The following NALF1 variants were observed in gnomAD, a reference collection of about 807,000 sequenced individuals.
NALF1 encodes NALCN channel auxiliary factor 1, also known as family with sequence similarity 155 member A.
Under a neutral mutation model 48.4 loss-of-function variants are expected in NALF1, and 3 were observed. The ratio of observed to expected loss-of-function variants is 0.06; its 90% CI spans 0.03 to 0.16. The LOEUF is 0.16. Among genes scored for constraint, NALF1 ranks in the 10% least tolerant of loss-of-function variants. NALF1 has a pLI of 1.00. For synonymous variants in NALF1, 262 were observed against 245.7 expected, an observed-to-expected ratio of 1.07 and a Z score of -0.62; for missense variants, 526 against 571.5, an observed-to-expected ratio of 0.92 and a Z score of 0.81.
rs1365862975 is a variant in NALF1, at chr13:107,828,603, C to CTATA, written c.915+37075_915+37078dup. Among the ~76,000 whole-genome samples the CTATA allele has an allele frequency of 1.7e-4, 6 of 36,046 alleles. No homozygotes were observed. In the East Asian group the frequency reaches 1.8e-3, roughly 11 times the overall value. The allele number at this position is 36,046 out of a possible 152,430, so 23.6% of individuals were successfully genotyped here. A position where few individuals can be genotyped will look rare whatever the true frequency, so the allele number is the denominator to read the frequency against. On this transcript the variant is annotated intron_variant, in intron 1 of 2. Coordinates refer to ENST00000375915, the MANE Select transcript of NALF1 (RefSeq NM_001080396.3). Reference sequence around the variant, plus strand: ...TCTATCTATCTATCTATATCTATATCTATACACACACACACACACACACAC... The same window carrying CTATA: ...TCTATCTATCTATCTATATCTATATCTATATATACACACACACACACACACACAC...
intron 1 of NALF1, among the ~76,000 whole-genome samples, chr13:107,681,534 C>T (rs896349700): frequency 6.6e-6 from 1 of 152,108 alleles, no homozygotes; most frequent in African/African-American, 2.4e-5. Context: ...TTAACCTCTA[C>T]ATTTTAAAAT....
At position 107,348,435 on chromosome 13, in the gene NALF1, T is replaced by A. The variant is rs187016758; in HGVS notation, c.916-137680A>T. Among the ~76,000 whole-genome samples the A allele has an allele frequency of 4.1e-3, 619 of 152,316 alleles. 4 individuals carry two copies. The highest frequency in any genetic ancestry group is 0.023 in the South Asian group (111 of 4,826). ...TATAATGAAAATCTTAATTTTTTTT[T>A]AAAATTTTACTTTAACTTCTGGGAT... On this transcript the variant is annotated intron_variant, in intron 1 of 2. Coordinates refer to ENST00000375915, the MANE Select transcript of NALF1 (RefSeq NM_001080396.3).
chr13:107,218,810 G>GA (rs2090950792), intron 1 of NALF1, among the ~76,000 whole-genome samples: 2 of 97,288 alleles, frequency 2.1e-5, no homozygotes, highest in Admixed American at 2.2e-4. Context: ...GCTCATGGAA[G>GA]GCCACAGAGC....
chr13:107,853,472 A>G (rs150683891), intron 1 of NALF1, among the ~76,000 whole-genome samples: 262 of 152,318 alleles, frequency 1.7e-3, no homozygotes, highest in African/African-American at 5.8e-3. Context: ...GGAAAAACTG[A>G]TAAGCATTGT....
intron 1 of NALF1, among the ~76,000 whole-genome samples, chr13:107,688,044 T>C (rs1013530521): frequency 2.0e-5 from 3 of 152,216 alleles, no homozygotes; most frequent in Non-Finnish European, 4.4e-5. Flanking sequence ...ACTAAAAAAA[T>C]TCTAAACACT....
chr13:107,517,457 C>T (rs1428062229), intron 1 of NALF1, among the ~76,000 whole-genome samples: 2 of 151,648 alleles, frequency 1.3e-5, no homozygotes, highest in African/African-American at 4.8e-5. Flanking sequence ...GGTGAAACCC[C>T]GTCTCTGCAA....
At chr13:107,424,752 T>A (rs966574349) in intron 1 of NALF1, among the ~76,000 whole-genome samples, 1 of 152,222 alleles carries the variant, frequency 6.6e-6, no homozygotes, top group African/African-American at 2.4e-5. Context: ...CTACTACTCA[T>A]ATAAATGTAG....
At chr13:107,236,849 CT>C (rs1209906932) in intron 1 of NALF1, among the ~76,000 whole-genome samples, 1 of 152,132 alleles carries the variant, frequency 6.6e-6, no homozygotes, top group Non-Finnish European at 1.5e-5. Flanking sequence ...AACATGTAGA[CT>C]TTTTTCCTTG....
At chr13:107,670,741 T>C (rs2138485400) in intron 1 of NALF1, among the ~76,000 whole-genome samples, 1 of 152,280 alleles carries the variant, frequency 6.6e-6, no homozygotes, top group South Asian at 2.1e-4. Context: ...ACAGTGCTGC[T>C]CATATTGAGA....
rs531970160 is a variant in NALF1, at chr13:107,792,363, C to G, written c.915+73319G>C. Among the ~76,000 whole-genome samples the G allele has an allele frequency of 3.3e-5, 5 of 152,220 alleles. No homozygotes were observed. In the South Asian group the frequency reaches 1.0e-3, roughly 32 times the overall value. ...AAGTCCATGCCACTTTTCAGGAGAA[C>G]TAAAGACAAAATGTGAAAGTGTCGC... On this transcript the variant is annotated intron_variant, in intron 1 of 2. Coordinates refer to ENST00000375915, the MANE Select transcript of NALF1 (RefSeq NM_001080396.3).
chr13:107,631,105 C>A (rs924352911), intron 1 of NALF1, among the ~76,000 whole-genome samples: 1 of 152,196 alleles, frequency 6.6e-6, no homozygotes, highest in African/African-American at 2.4e-5. Context: ...TCAAGCAATC[C>A]TCCCACCTCA....
intron 1 of NALF1, among the ~76,000 whole-genome samples, chr13:107,609,634 C>A (rs531533318): frequency 1.3e-5 from 2 of 151,962 alleles, no homozygotes; most frequent in Admixed American, 1.3e-4. Context: ...AAGTGACAGA[C>A]GTGTTGTTTT....
At chr13:107,510,891 G>A (rs567232006) in intron 1 of NALF1, among the ~76,000 whole-genome samples, 1 of 152,090 alleles carries the variant, frequency 6.6e-6, no homozygotes, top group Non-Finnish European at 1.5e-5. Flanking sequence ...AGTTTCACTC[G>A]AGTACCCTCT....
chr13:107,285,642 A>T (rs988768816), intron 1 of NALF1, among the ~76,000 whole-genome samples: 2 of 152,112 alleles, frequency 1.3e-5, no homozygotes, highest in African/African-American at 4.8e-5. Context: ...TATTCATATT[A>T]TAGTGTATAG....
chr13:107,397,422 A>C (rs1883730626), intron 1 of NALF1, among the ~76,000 whole-genome samples: 1 of 152,166 alleles, frequency 6.6e-6, no homozygotes, highest in South Asian at 2.1e-4. Flanking sequence ...AATGCTTTTC[A>C]AACTCACTGC....
intron 1 of NALF1, among the ~76,000 whole-genome samples, chr13:107,860,962 TA>T (rs1880553959): frequency 6.6e-6 from 1 of 152,210 alleles, no homozygotes; most frequent in South Asian, 2.1e-4. Context: ...AGCAATTATT[TA>T]AACTTTGTGA....
intron 1 of NALF1, among the ~76,000 whole-genome samples, chr13:107,301,047 T>C (rs1203087861): frequency 6.6e-6 from 1 of 152,232 alleles, no homozygotes; most frequent in African/African-American, 2.4e-5. Flanking sequence ...AATCTTGCAA[T>C]ATTTGCTTGT....
At chr13:107,524,772 A>G (rs552999087) in intron 1 of NALF1, among the ~76,000 whole-genome samples, 1 of 152,200 alleles carries the variant, frequency 6.6e-6, no homozygotes, top group African/African-American at 2.4e-5. Context: ...AATTTCAGGA[A>G]CTCAAAACCT....
intron 1 of NALF1, among the ~76,000 whole-genome samples, chr13:107,430,218 G>T (rs184918706): frequency 9.3e-4 from 141 of 152,172 alleles, no homozygotes; most frequent in African/African-American, 2.8e-3. Flanking sequence ...GAAAAAGGCA[G>T]AAAATTCAGA....
Sources: gnomAD v4.1 joint callset for allele counts (sites outside exome capture counted in the v4.1 genomes callset) on GRCh38, gnomAD v4.1.1 for gene constraint, MANE v1.5 for transcripts, NCBI Gene and HGNC (gene_info 2026-07-23, HGNC 2026-07-21) for gene names.